Variants in ZNF184 observed in about 807,000 individuals in gnomAD.
The protein encoded by ZNF184 is zinc finger protein 184 (Kruppel-like).
ZNF184 carries 16 observed loss-of-function variants against 54.4 expected under a neutral mutation model. The ratio of observed to expected loss-of-function variants is 0.29; its 90% CI spans 0.20 to 0.45. ZNF184 has a LOEUF of 0.45. Among genes scored for constraint, ZNF184 ranks in the 20% least tolerant of loss-of-function variants. ZNF184 has a pLI of 1.00. For synonymous variants in ZNF184, 254 were observed against 295.3 expected, an observed-to-expected ratio of 0.86 and a Z score of 1.43; for missense variants, 681 against 888.2, an observed-to-expected ratio of 0.77 and a Z score of 2.97.
At chr6:27,416,264 TATC>T in the ZNF184 span, among the ~76,000 whole-genome samples, 2 of 152,352 alleles carry the variant, frequency 1.3e-5, no homozygotes, top group South Asian at 4.1e-4. Flanking sequence ...CTGATAGGAC[TATC>T]GTGAGAGAAT....
chr6:27,435,118 A>G, the ZNF184 span, among the ~76,000 whole-genome samples: 1 of 151,886 alleles, frequency 6.6e-6, no homozygotes, highest in South Asian at 2.1e-4. Flanking sequence ...TTATTTATTT[A>G]TTTGCTATTT....
intron 3 of ZNF184, among the ~76,000 whole-genome samples, chr6:27,466,578 T>C (rs190063572): frequency 1.3e-5 from 2 of 152,306 alleles, no homozygotes; most frequent in Non-Finnish European, 2.9e-5. Flanking sequence ...TTCACTCTCT[T>C]GCTTGTGGTA....
At chr6:27,424,060 G>A in the ZNF184 span, among the ~76,000 whole-genome samples, 2 of 152,158 alleles carry the variant, frequency 1.3e-5, no homozygotes, top group Non-Finnish European at 2.9e-5. Flanking sequence ...CTCCTAAAGT[G>A]GCACGCCTGG....
chr6:27,413,119 G>A, the ZNF184 span, among the ~76,000 whole-genome samples: 8 of 152,270 alleles, frequency 5.3e-5, no homozygotes, highest in Middle Eastern at 3.4e-3. Context: ...TTAGCCAGGC[G>A]TGGTGGCACA....
chr6:27,456,649 C>T (rs546241847), intron 5 of ZNF184, among the ~76,000 whole-genome samples, 177 bp downstream of exon 5: 1 of 152,228 alleles, frequency 6.6e-6, no homozygotes, highest in South Asian at 2.1e-4. Flanking sequence ...ATATATATTG[C>T]AACAATTAGT....
chr6:27,430,553 A>G, the ZNF184 span, among the ~76,000 whole-genome samples: 2 of 152,142 alleles, frequency 1.3e-5, no homozygotes, highest in Admixed American at 6.5e-5. Flanking sequence ...GGAGGGTACA[A>G]TGGAGGCAGA....
At chr6:27,418,776 C>T in the ZNF184 span, among the ~76,000 whole-genome samples, 1 of 151,976 alleles carries the variant, frequency 6.6e-6, no homozygotes, top group Non-Finnish European at 1.5e-5. Flanking sequence ...TTATTTGCTC[C>T]ACATTCTCTT....
At chr6:27,458,001 G>C (rs1762903151) in intron 3 of ZNF184, among the ~76,000 whole-genome samples, 1 of 151,860 alleles carries the variant, frequency 6.6e-6, no homozygotes, top group East Asian at 1.9e-4. Flanking sequence ...AATTAGTTAA[G>C]ATGGATTAGT....
In ZNF184 at chr6:27,462,288, C is replaced by T. The variant is rs189411560; in HGVS notation, c.76-4879G>A. Among the ~76,000 whole-genome samples the T allele has an allele frequency of 1.2e-3, 182 of 151,938 alleles. 2 individuals carry two copies. The Middle Eastern group carries it at 0.017, about 14-fold the overall frequency. On this transcript the variant is annotated intron_variant, in intron 3 of 5. Coordinates refer to ENST00000683788, the MANE Select transcript of ZNF184 (RefSeq NM_001318891.2). ...TCTCGGCTCACTGCAAGCTCTACCT[C>T]CCAGGTTCACGCCATTCTGCTGCCT...
downstream of ZNF184, among the ~76,000 whole-genome samples, chr6:27,447,481 G>T (rs939217284): frequency 6.6e-6 from 1 of 151,936 alleles, no homozygotes; most frequent in Non-Finnish European, 1.5e-5. Flanking sequence ...GGGAGGCCGA[G>T]GCAGGCAGAT....
At chr6:27,418,659 T>C in the ZNF184 span, among the ~76,000 whole-genome samples, 1 of 152,204 alleles carries the variant, frequency 6.6e-6, no homozygotes, top group African/African-American at 2.4e-5. Context: ...CAGATTTTTT[T>C]CTTTTCTGAA....
the ZNF184 span, among the ~76,000 whole-genome samples, chr6:27,442,856 AAG>A: frequency 5.1e-4 from 38 of 74,134 alleles, no homozygotes; most frequent in Non-Finnish European, 6.8e-4. Context: ...GAAAGAAAGA[AAG>A]AAAGAAAGAA....
chr6:27,453,328 TATAATG>T lies in ZNF184; in HGVS notation c.299-74_299-69del, dbSNP rs1271839181. ...AAATAAACTGCTATTGTGGGAATAA[TATAATG>T]ATACTGAAAAATAAATCTCTCAGAA... On this transcript the variant is annotated intron_variant, in intron 5 of 5. Transcript: ENST00000683788. The surrounding 1 kb of genome is among the most constrained non-coding windows in gnomAD (Gnocchi z 4.7). 2 of 1,386,998 alleles carry T rather than the reference TATAATG, an allele frequency of 1.4e-6. No individual in the cohort carries two copies. Among genetic ancestry groups the T allele is most frequent in the Non-Finnish European group, 9.6e-7 (1 of 1,044,010 alleles). 85.9% of individuals were successfully genotyped at this position (1,386,998 alleles called of 1,614,324 possible). A position where few individuals can be genotyped will look rare whatever the true frequency, so the allele number is the denominator to read the frequency against.
At chr6:27,441,420 G>A in the ZNF184 span, among the ~76,000 whole-genome samples, 1 of 152,194 alleles carries the variant, frequency 6.6e-6, no homozygotes, top group African/African-American at 2.4e-5. Flanking sequence ...TCATTATGTT[G>A]CCCAGGCTGG....
the ZNF184 span, among the ~76,000 whole-genome samples, chr6:27,443,434 T>G: frequency 6.6e-6 from 1 of 152,204 alleles, no homozygotes; most frequent in Admixed American, 6.5e-5. Flanking sequence ...TTCCTCACAC[T>G]TCCCATGACT....
At chr6:27,411,598 C>T in the ZNF184 span, among the ~76,000 whole-genome samples, 1 of 152,170 alleles carries the variant, frequency 6.6e-6, no homozygotes, top group African/African-American at 2.4e-5. Context: ...TAAGTAGAAC[C>T]AGAAACTTTG....
the ZNF184 span, among the ~76,000 whole-genome samples, chr6:27,422,226 G>GAA: frequency 2.2e-5 from 3 of 133,388 alleles, no homozygotes; most frequent in African/African-American, 5.6e-5. Context: ...GAAAAGAAAA[G>GAA]AAATTCAGAG....
chr6:27,465,511 C>CAAAAAAAAAAAAAAA (rs1345135612), intron 3 of ZNF184, among the ~76,000 whole-genome samples: 3 of 88,442 alleles, frequency 3.4e-5, no homozygotes, highest in Non-Finnish European at 2.4e-5. Flanking sequence ...AAAAAAAAAG[C>CAAAAAAAAAAAAAAA]AAAACCCAAC....
At chr6:27,442,076 C>T in the ZNF184 span, among the ~76,000 whole-genome samples, 2 of 152,168 alleles carry the variant, frequency 1.3e-5, no homozygotes, top group African/African-American at 2.4e-5. Flanking sequence ...ATATGTGCCT[C>T]TAATTCTTTA....
Sources: allele counts gnomAD v4.1 joint callset (sites outside exome capture counted in the v4.1 genomes callset), GRCh38; gene constraint gnomAD v4.1.1; non-coding constraint Gnocchi (gnomAD v3.1); transcripts MANE v1.5; gene names NCBI Gene and HGNC (gene_info 2026-07-23, HGNC 2026-07-21).